Variants in PPP1R12B observed in about 807,000 individuals in gnomAD.
PPP1R12B encodes the protein protein phosphatase 1 regulatory subunit 12B.
Under a neutral mutation model 126.1 loss-of-function variants are expected in PPP1R12B, and 76 were observed. That is an observed-to-expected ratio of 0.60 (90% CI 0.50 to 0.73). The LOEUF (loss-of-function observed/expected upper bound fraction) is 0.73. PPP1R12B is among the 30% of genes least tolerant of loss of function. The pLI is 0.00. For missense variants in PPP1R12B, 1,052 were observed against 1,205.1 expected, an observed-to-expected ratio of 0.87 and a Z score of 1.88; for synonymous variants, 356 against 434.7, an observed-to-expected ratio of 0.82 and a Z score of 2.25.
At chr1:202,535,613 C>T (rs547534651) in intron 18 of PPP1R12B, among the ~76,000 whole-genome samples, 44 of 152,294 alleles carry the variant, frequency 2.9e-4, no homozygotes, top group Admixed American at 2.2e-3. Context: ...ATTATAACAA[C>T]GCCCTAAAGT....
At chr1:202,422,901 A>C (rs1025116945) in intron 3 of PPP1R12B, among the ~76,000 whole-genome samples, 163 bp downstream of exon 3, 1 of 152,238 alleles carries the variant, frequency 6.6e-6, no homozygotes, top group African/African-American at 2.4e-5. Context: ...TATCCTCATA[A>C]TAACTCAGAC....
At chr1:202,555,334 A>AAAAAAAAAAAC (rs1236511618) in intron 18 of PPP1R12B, among the ~76,000 whole-genome samples, 1 of 134,710 alleles carries the variant, frequency 7.4e-6, no homozygotes, top group Non-Finnish European at 1.6e-5. Flanking sequence ...TGAAAAAAAA[A>AAAAAAAAAAAC]AAAAAAAAAA....
At chr1:202,576,444 A>T (rs28550838) in intron 23 of PPP1R12B, 1 of 152,228 alleles carries the variant, frequency 6.6e-6, no homozygotes, top group Non-Finnish European at 1.5e-5. Flanking sequence ...ACTAATATCC[A>T]CTAGAACTGA....
At chr1:202,542,002 A>C (rs1685178729) in intron 18 of PPP1R12B, among the ~76,000 whole-genome samples, 1 of 152,180 alleles carries the variant, frequency 6.6e-6, no homozygotes. Context: ...CCAGTGTCCA[A>C]ATGGCTTGAG....
intron 23 of PPP1R12B, among the ~76,000 whole-genome samples, chr1:202,579,093 C>T (rs747844461): frequency 4.6e-5 from 7 of 152,192 alleles, no homozygotes; most frequent in Admixed American, 6.5e-5. Flanking sequence ...AGCACAGTGC[C>T]ATCCACATTA....
chr1:202,571,489 G>T (rs979905374), intron 23 of PPP1R12B, among the ~76,000 whole-genome samples: 3 of 151,890 alleles, frequency 2.0e-5, no homozygotes, highest in African/African-American at 7.3e-5. Flanking sequence ...TGTAGCCCAA[G>T]CCTGAGTGCA....
intron 1 of PPP1R12B, among the ~76,000 whole-genome samples, chr1:202,416,159 T>C (rs572454676): frequency 4.3e-4 from 66 of 152,196 alleles, no homozygotes; most frequent in Non-Finnish European, 8.1e-4. Context: ...AATATAATGA[T>C]GAAACAGCTT....
intron 1 of PPP1R12B, among the ~76,000 whole-genome samples, chr1:202,381,888 T>A (rs1662337487): frequency 6.6e-6 from 1 of 152,108 alleles, no homozygotes; most frequent in Non-Finnish European, 1.5e-5. Flanking sequence ...AAACCAACAA[T>A]TGTAGAACAA....
chr1:202,442,125 A>G (rs1671705068), intron 11 of PPP1R12B, among the ~76,000 whole-genome samples: 1 of 152,182 alleles, frequency 6.6e-6, no homozygotes, highest in Non-Finnish European at 1.5e-5. Context: ...CTGGAATTAT[A>G]GATGTGAGTC....
At chr1:202,520,874 G>A (rs2148914817) in intron 18 of PPP1R12B, among the ~76,000 whole-genome samples, 1 of 152,262 alleles carries the variant, frequency 6.6e-6, no homozygotes, top group African/African-American at 2.4e-5. Context: ...CTTTGGGCCA[G>A]TAATAGAAAA....
intron 1 of PPP1R12B, among the ~76,000 whole-genome samples, chr1:202,394,009 A>AGT (rs1474622868): frequency 6.6e-6 from 1 of 152,244 alleles, no homozygotes; most frequent in Non-Finnish European, 1.5e-5. Context: ...AACTCACTGA[A>AGT]GTACATATAA....
intron 13 of PPP1R12B, among the ~76,000 whole-genome samples, chr1:202,488,049 C>T (rs12041202): frequency 0.43 from 65,953 of 152,084 alleles, 15,671 homozygotes; most frequent in East Asian, 0.71. Context: ...ATACTAATAA[C>T]TAATAATAAA....
chr1:202,448,653 G>C, intron 12 of PPP1R12B: 1 of 245,756 alleles, frequency 4.1e-6, no homozygotes, highest in South Asian at 6.6e-5. Flanking sequence ...CATGTGCAGA[G>C]ACCAGGTGCT....
At chr1:202,517,466 G>T (rs560175061) in intron 18 of PPP1R12B, among the ~76,000 whole-genome samples, 2 of 152,090 alleles carry the variant, frequency 1.3e-5, no homozygotes, top group East Asian at 3.9e-4. Context: ...AAAAATATTG[G>T]GGCTTTTATT....
At chr1:202,438,824 C>T (rs988643229) in intron 10 of PPP1R12B, 32 of 896,568 alleles carry the variant, frequency 3.6e-5, no homozygotes, top group African/African-American at 1.6e-4. Flanking sequence ...AACTCACGGA[C>T]GTGGGGGAGA....
rs1448280789 is a variant in PPP1R12B at position 202,508,833 on chromosome 1, C to G, written c.2490+12011C>G. 6.6e-6 allele frequency among the ~76,000 whole-genome samples: 1 copy of G among 152,156 alleles called. No individual in the cohort carries two copies. Among genetic ancestry groups the G allele is most frequent in the African/African-American group, 2.4e-5 (1 of 41,426 alleles). The stretch of plus-strand genomic sequence containing the variant: ...CCGGCAGAACATGTTGGTGGTGGGA[C>G]AGTGGTAGCAGCCTCACTTCATCTT... On this transcript the variant is annotated intron_variant, in intron 18 of 23. Coordinates refer to ENST00000608999, the MANE Select transcript of PPP1R12B (RefSeq NM_002481.4). The surrounding 1 kb of genome is among the most constrained non-coding windows in gnomAD (Gnocchi z 4.5).
At chr1:202,490,772 A>G (rs1038512773) in intron 14 of PPP1R12B, among the ~76,000 whole-genome samples, 1 of 152,242 alleles carries the variant, frequency 6.6e-6, no homozygotes, top group African/African-American at 2.4e-5. Flanking sequence ...ATCAAGGTTC[A>G]TCCATATTAT....
At chr1:202,393,985 T>C (rs2148533152) in intron 1 of PPP1R12B, among the ~76,000 whole-genome samples, 1 of 152,340 alleles carries the variant, frequency 6.6e-6, no homozygotes, top group South Asian at 2.1e-4. Context: ...AAGAATATTG[T>C]AAGTAGAAAG....
intron 18 of PPP1R12B, among the ~76,000 whole-genome samples, chr1:202,510,446 A>G (rs1681318332): frequency 6.6e-6 from 1 of 152,204 alleles, no homozygotes; most frequent in Admixed American, 6.5e-5. Context: ...GTTTCTTAAC[A>G]GGCAAGTCTG....
Sources: allele counts gnomAD v4.1 joint callset (sites outside exome capture counted in the v4.1 genomes callset), GRCh38; gene constraint gnomAD v4.1.1; non-coding constraint Gnocchi (gnomAD v3.1); transcripts MANE v1.5; gene names NCBI Gene and HGNC (gene_info 2026-07-23, HGNC 2026-07-21).